RGS6: variants seen among roughly 807,000 people sequenced by gnomAD.
RGS6 encodes the protein regulator of G-protein signaling 6.
RGS6 carries 30 observed loss-of-function variants against 78.5 expected under a neutral mutation model. That is an observed-to-expected ratio of 0.38 (90% CI 0.29 to 0.52). RGS6 has a LOEUF of 0.52. Among genes scored for constraint, RGS6 ranks in the 20% least tolerant of loss-of-function variants. The pLI is 0.85. For missense variants in RGS6, 495 were observed against 609.7 expected, an observed-to-expected ratio of 0.81 and a Z score of 1.98; for synonymous variants, 206 against 206.0, an observed-to-expected ratio of 1.00 and a Z score of 0.00.
chr14:72,177,034 T>A (rs372960024), intron 2 of RGS6, among the ~76,000 whole-genome samples: 17 of 152,366 alleles, frequency 1.1e-4, no homozygotes, highest in African/African-American at 3.4e-4. Context: ...ATATAACGTT[T>A]ATGAAATTTA....
intron 17 of RGS6, chr14:72,550,758 A>T: frequency 1.2e-6 from 1 of 800,724 alleles, no homozygotes; most frequent in Non-Finnish European, 1.8e-6. Context: ...CTTGGTAGTG[A>T]TTCAGCTTCA....
chr14:71,886,968 G>A, the RGS6 span, among the ~76,000 whole-genome samples: 3 of 152,250 alleles, frequency 2.0e-5, no homozygotes, highest in East Asian at 3.9e-4. Flanking sequence ...TGGCCAACAT[G>A]GTGAAACCCC....
At chr14:72,329,981 T>A (rs1353182185) in intron 2 of RGS6, among the ~76,000 whole-genome samples, 1 of 152,220 alleles carries the variant, frequency 6.6e-6, no homozygotes, top group Non-Finnish European at 1.5e-5. Flanking sequence ...GAGTGAAGCC[T>A]CCTCCGTGGT....
chr14:72,258,560 G>A (rs574734863), intron 2 of RGS6, among the ~76,000 whole-genome samples: 4 of 152,198 alleles, frequency 2.6e-5, no homozygotes, highest in Non-Finnish European at 5.9e-5. Flanking sequence ...TCTCTACTAT[G>A]AGACTGTATT....
chr14:72,089,985 G>A (rs774054843), intron 2 of RGS6, among the ~76,000 whole-genome samples: 11 of 152,016 alleles, frequency 7.2e-5, no homozygotes, highest in South Asian at 2.1e-4. Flanking sequence ...TATAAGACAC[G>A]TTGTAAGACA....
chr14:72,460,006 G>A (rs941730314), intron 6 of RGS6, among the ~76,000 whole-genome samples: 6 of 152,174 alleles, frequency 3.9e-5, no homozygotes, highest in Non-Finnish European at 8.8e-5. Flanking sequence ...ACTTTTAATT[G>A]TTCTTTCCAG....
intron 2 of RGS6, among the ~76,000 whole-genome samples, chr14:72,288,407 C>G (rs1325046775): frequency 6.6e-6 from 1 of 152,170 alleles, no homozygotes; most frequent in East Asian, 1.9e-4. Context: ...TTACATTTGA[C>G]CAGGTGCAGC....
intron 17 of RGS6, chr14:72,547,222 G>T: frequency 6.5e-7 from 1 of 1,535,586 alleles, no homozygotes; most frequent in East Asian, 2.4e-5. Flanking sequence ...CAGAGAAAGA[G>T]CATCCAATGG....
At chr14:72,203,081 T>C (rs982499821) in intron 2 of RGS6, among the ~76,000 whole-genome samples, 2 of 152,048 alleles carry the variant, frequency 1.3e-5, no homozygotes, top group African/African-American at 4.8e-5. Context: ...TTCACCGTGT[T>C]AGCCAGGATG....
intron 1 of RGS6, among the ~76,000 whole-genome samples, chr14:71,956,504 C>T (rs368961779): frequency 1.9e-4 from 29 of 152,020 alleles, no homozygotes; most frequent in East Asian, 9.7e-4. Context: ...AGAGCCAGTC[C>T]GAGTCTCAAA....
At chr14:72,560,636 GTC>G (rs2097659553) in intron 17 of RGS6, among the ~76,000 whole-genome samples, 1 of 152,180 alleles carries the variant, frequency 6.6e-6, no homozygotes, top group African/African-American at 2.4e-5. Flanking sequence ...CAAAGGAGTA[GTC>G]ATTCTTAGTG....
chr14:71,901,537 A>T, the RGS6 span, among the ~76,000 whole-genome samples: 73 of 152,306 alleles, frequency 4.8e-4, no homozygotes, highest in African/African-American at 1.6e-3. Context: ...TCTTCTTCCC[A>T]ATTAATATAT....
At chr14:72,167,765 T>C (rs2096949145) in intron 2 of RGS6, among the ~76,000 whole-genome samples, 1 of 152,148 alleles carries the variant, frequency 6.6e-6, no homozygotes, top group Non-Finnish European at 1.5e-5. Flanking sequence ...TGTAGGCAAA[T>C]AAAAACATTA....
chr14:72,541,095 A>G, intron 17 of RGS6: 4 of 1,358,278 alleles, frequency 2.9e-6, no homozygotes, highest in South Asian at 2.3e-5. Flanking sequence ...ACATCAAACC[A>G]GAGGGAACCA....
chr14:71,899,972 CAACTT>C, the RGS6 span, among the ~76,000 whole-genome samples: 1 of 152,226 alleles, frequency 6.6e-6, no homozygotes, highest in Non-Finnish European at 1.5e-5. Context: ...GACATTAACT[CAACTT>C]AAATCACTTT....
intron 2 of RGS6, among the ~76,000 whole-genome samples, chr14:72,034,743 A>G (rs2091432444): frequency 6.6e-6 from 1 of 152,066 alleles, no homozygotes; most frequent in Non-Finnish European, 1.5e-5. Flanking sequence ...AGTGGTGCCA[A>G]TTCTTCTTTA....
intron 1 of RGS6, among the ~76,000 whole-genome samples, chr14:71,955,691 G>C (rs1182685735): frequency 2.6e-5 from 4 of 152,086 alleles, no homozygotes; most frequent in Admixed American, 2.6e-4. Flanking sequence ...CTTGGTTCTG[G>C]TGGGTTTCAG....
chr14:72,309,345 G>T (rs1463197849), intron 2 of RGS6, among the ~76,000 whole-genome samples: 1 of 152,184 alleles, frequency 6.6e-6, no homozygotes, highest in Non-Finnish European at 1.5e-5. Context: ...TGTAATCGTG[G>T]TTGCAAATCT....
intron 2 of RGS6, among the ~76,000 whole-genome samples, chr14:72,265,912 TCTAA>T (rs1425690046): frequency 1.5e-5 from 2 of 131,648 alleles, no homozygotes; most frequent in Admixed American, 8.6e-5. Flanking sequence ...CTTTTCCTTC[TCTAA>T]CTATCAGTCC....
Sources: allele counts gnomAD v4.1 joint callset (sites outside exome capture counted in the v4.1 genomes callset), GRCh38; gene constraint gnomAD v4.1.1; transcripts MANE v1.5; gene names NCBI Gene and HGNC (gene_info 2026-07-23, HGNC 2026-07-21).